The following ANP32A variants were observed in gnomAD, a reference collection of about 807,000 sequenced individuals.
ANP32A encodes the protein acidic leucine-rich nuclear phosphoprotein 32 family member A.
ANP32A carries 1 observed loss-of-function variant against 33.9 expected under a neutral mutation model. The ratio of observed to expected loss-of-function variants is 0.03; its 90% CI spans 0.01 to 0.14. The LOEUF (loss-of-function observed/expected upper bound fraction) is 0.14, where lower values mean the gene tolerates loss of function less well. Ranked by LOEUF, ANP32A falls within the 10% of genes least tolerant of loss-of-function variation. ANP32A has a pLI of 1.00. For synonymous variants in ANP32A, 115 were observed against 120.5 expected (o/e 0.95, Z 0.30); for missense variants, 155 against 306.0 (o/e 0.51, Z 3.68).
At chr15:68,796,301 C>G (rs932994699) in intron 1 of ANP32A, among the ~76,000 whole-genome samples, 1 of 151,762 alleles carries the variant, frequency 6.6e-6, no homozygotes, top group African/African-American at 2.4e-5. Context: ...GGCTGGTCTT[C>G]AACTCCTGAC....
In ANP32A at chr15:68,779,327, T is replaced by C. The variant is rs1893834597; in HGVS notation, c.*754A>G. The C allele has an allele frequency of 6.6e-6, 1 of 152,170 alleles. No homozygotes were observed. Among genetic ancestry groups the C allele is most frequent in the African/African-American group, 2.4e-5 (1 of 41,428 alleles). The allele number at this position is 152,170 out of a possible 1,614,324, so 9.4% of individuals were successfully genotyped here. A position where few individuals can be genotyped will look rare whatever the true frequency, so the allele number is the denominator to read the frequency against. On this transcript the variant is annotated 3_prime_UTR_variant, in exon 7 of 7. Transcript: ENST00000465139. The stretch of plus-strand genomic sequence containing the variant: ...TTTACAGAACAAGATAGGACAGTTT[T>C]TTTTTTCTTTTAAAGAAGTTGAAGT...
intron 5 of ANP32A, chr15:68,782,720 C>T: frequency 3.0e-6 from 2 of 659,128 alleles, no homozygotes; most frequent in Non-Finnish European, 4.9e-6. Context: ...CAGGTTCAGT[C>T]CCTGCCTCTA....
intron 1 of ANP32A, among the ~76,000 whole-genome samples, chr15:68,809,689 G>A (rs570089456): frequency 7.9e-5 from 12 of 150,948 alleles, no homozygotes; most frequent in African/African-American, 2.4e-4. Flanking sequence ...ACCAGCGGGC[G>A]TGGGGGTGCG....
chr15:68,800,207 T>TTAA (rs1567037161), intron 1 of ANP32A, among the ~76,000 whole-genome samples: 12 of 152,282 alleles, frequency 7.9e-5, no homozygotes, highest in Non-Finnish European at 5.9e-5. Context: ...TGCTATGATT[T>TTAA]GATTCTTTCT....
At chr15:68,805,999 C>G (rs1894216511) in intron 1 of ANP32A, among the ~76,000 whole-genome samples, 2 of 152,130 alleles carry the variant, frequency 1.3e-5, no homozygotes, top group South Asian at 4.1e-4. Context: ...AATGATTAGC[C>G]AAGCCAAGGG....
In ANP32A at chr15:68,787,683, C is replaced by T. The variant is rs548593743; in HGVS notation, c.204+87G>A. The T allele has an allele frequency of 2.6e-5, 42 of 1,596,588 alleles. No homozygotes were observed. In the Admixed American group the frequency reaches 5.8e-4, roughly 22 times the overall value. On this transcript the variant is annotated intron_variant, in intron 2 of 6. Coordinates refer to ENST00000465139, the MANE Select transcript of ANP32A (RefSeq NM_006305.4). ...TGTTGGTGCAAGCACCCGGCTTTCC[C>T]TTCAATTACTCTTTCTAAACATAGG...
At chr15:68,789,815 C>T (rs1893977991) in intron 1 of ANP32A, 1 of 152,408 alleles carries the variant, frequency 6.6e-6, no homozygotes, top group South Asian at 2.1e-4. Flanking sequence ...AGCTAAGGAG[C>T]TCTCAGCCTA....
chr15:68,780,573 C>T lies in ANP32A; in HGVS notation c.625-100G>A, dbSNP rs1008344877. 15 of 1,532,132 alleles carry T rather than the reference C, an allele frequency of 9.8e-6. No individual in the cohort carries two copies. In the African/African-American group the frequency reaches 2.1e-4, roughly 21 times the overall value. The allele number at this position is 1,532,132 out of a possible 1,614,324, so 94.9% of individuals were successfully genotyped here. On this transcript the variant is annotated intron_variant, in intron 5 of 6. Coordinates refer to ENST00000465139, the MANE Select transcript of ANP32A (RefSeq NM_006305.4). This position sits in a 1 kb window ranked among gnomAD's most constrained non-coding sequence, Gnocchi z 4.3. ...CAAAAAGGCCGGGGTCACCCCCAGCCTCTCAGAGCCCCCACCAAGACTTGA... is the reference window on the plus strand; with the variant it reads ...CAAAAAGGCCGGGGTCACCCCCAGCTTCTCAGAGCCCCCACCAAGACTTGA...
intron 1 of ANP32A, among the ~76,000 whole-genome samples, chr15:68,804,451 C>T (rs1284210502): frequency 1.3e-5 from 2 of 152,226 alleles, no homozygotes; most frequent in Non-Finnish European, 2.9e-5. Context: ...GTGCCTGGCA[C>T]ATTGGCATGA....
At chr15:68,809,166 A>G (rs1405402415) in intron 1 of ANP32A, among the ~76,000 whole-genome samples, 1 of 152,170 alleles carries the variant, frequency 6.6e-6, no homozygotes, top group African/African-American at 2.4e-5. Context: ...GCCTAAACAA[A>G]GAGCACCAAG....
chr15:68,788,205 A>G (rs1391172941), intron 1 of ANP32A, among the ~76,000 whole-genome samples: 4 of 152,268 alleles, frequency 2.6e-5, no homozygotes, highest in Admixed American at 6.5e-5. Flanking sequence ...GTACCGCAGA[A>G]GACAAACCCA....
At position 68,787,933 on chromosome 15, in the gene ANP32A, C is replaced by T. The variant is rs761366057; in HGVS notation, c.55-14G>A. 2.7e-5 allele frequency: 44 copies of T among 1,613,836 alleles called. No homozygotes were observed. The highest frequency in any genetic ancestry group is 2.3e-4 in the Admixed American group (14 of 59,994). ...AAGTTCTTTCACCTGAAAGAAGGCC[C>T]GACCGTGTGAGCGGGGCTGAGGAAT... is the stretch of plus-strand genomic sequence containing the variant. On this transcript the variant is annotated splice_polypyrimidine_tract_variant and intron_variant, in intron 1 of 6. Transcript: ENST00000465139.
At chr15:68,797,221 T>C (rs888158295) in intron 1 of ANP32A, among the ~76,000 whole-genome samples, 3 of 152,148 alleles carry the variant, frequency 2.0e-5, no homozygotes, top group African/African-American at 4.8e-5. Flanking sequence ...CATTGTCCCA[T>C]CTGATGTCTA....
At position 68,786,551 on chromosome 15, in the gene ANP32A, C is replaced by T. The variant is rs558682076; in HGVS notation, c.327+862G>A. On this transcript the variant is annotated intron_variant, in intron 3 of 6. Transcript: ENST00000465139. ...CTGGGATTAAAGGTGTGAGATACCA[C>T]GCCCGGCCTTATGAGGTGACTCTTA... 1.4e-4 allele frequency among the ~76,000 whole-genome samples: 21 copies of T among 152,218 alleles called. No individual in the cohort carries two copies. In the East Asian group the frequency reaches 2.9e-3, roughly 21 times the overall value.
chr15:68,809,628 G>T (rs991265520), intron 1 of ANP32A, among the ~76,000 whole-genome samples: 1 of 152,172 alleles, frequency 6.6e-6, no homozygotes, highest in Non-Finnish European at 1.5e-5. Context: ...GATGACCAGC[G>T]ACCTAAGAAG....
chr15:68,806,536 A>T lies in ANP32A; in HGVS notation c.54+14162T>A, dbSNP rs144612401. Among the ~76,000 whole-genome samples the T allele has an allele frequency of 4.6e-5, 7 of 152,334 alleles. No individual in the cohort carries two copies. The East Asian group carries it at 1.4e-3, about 29-fold the overall frequency. On this transcript the variant is annotated intron_variant, in intron 1 of 6. Coordinates refer to ENST00000465139, the MANE Select transcript of ANP32A (RefSeq NM_006305.4). Reference sequence around the variant, plus strand: ...TCTAGAAGCCTTCCCAGACTCACAGACCACACCTAAATGCAAAGACACACC... The same window carrying T: ...TCTAGAAGCCTTCCCAGACTCACAGTCCACACCTAAATGCAAAGACACACC...
chr15:68,818,265 G>C (rs2087971658), intron 1 of ANP32A: 1 of 275,402 alleles, frequency 3.6e-6, no homozygotes, highest in African/African-American at 2.3e-5. Context: ...TCCTATTTCG[G>C]CGTCGCGGCA....
intron 3 of ANP32A, among the ~76,000 whole-genome samples, chr15:68,785,750 G>A (rs995876540): frequency 2.6e-5 from 4 of 152,174 alleles, no homozygotes; most frequent in African/African-American, 7.2e-5. Context: ...TGGAGAGTGT[G>A]AACATGAACG....
intron 1 of ANP32A, among the ~76,000 whole-genome samples, chr15:68,818,816 G>A (rs1206314589): frequency 2.6e-5 from 4 of 151,664 alleles, no homozygotes; most frequent in African/African-American, 4.8e-5. Context: ...GGAAGACCGC[G>A]GCCCCGGCCC....
Sources: allele counts gnomAD v4.1 joint callset (sites outside exome capture counted in the v4.1 genomes callset), GRCh38; gene constraint gnomAD v4.1.1; non-coding constraint Gnocchi (gnomAD v3.1); transcripts MANE v1.5; gene names NCBI Gene and HGNC (gene_info 2026-07-23, HGNC 2026-07-21).